The following CAMKMT variants were observed in gnomAD, a reference collection of about 807,000 sequenced individuals.
The protein encoded by CAMKMT is CaM KMT.
CAMKMT carries 53 observed loss-of-function variants against 48.0 expected under a neutral mutation model. That is an observed-to-expected ratio of 1.10 (90% CI 0.89 to 1.39). The LOEUF (loss-of-function observed/expected upper bound fraction) is 1.39, where lower values mean the gene tolerates loss of function less well. Among genes scored for constraint, CAMKMT ranks in the 40% most tolerant of loss-of-function variants. The pLI is 0.00. For synonymous variants in CAMKMT, 165 were observed against 152.3 expected, an observed-to-expected ratio of 1.08 and a Z score of -0.61; for missense variants, 428 against 402.7, an observed-to-expected ratio of 1.06 and a Z score of -0.54.
chr2:44,600,743 C>T (rs1670937846), intron 3 of CAMKMT, among the ~76,000 whole-genome samples: 1 of 152,030 alleles, frequency 6.6e-6, no homozygotes, highest in African/African-American at 2.4e-5. Context: ...TTTGTTATTC[C>T]TATAGTTTTT....
At chr2:44,587,997 G>C (rs1286104793) in intron 3 of CAMKMT, among the ~76,000 whole-genome samples, 6 of 137,460 alleles carry the variant, frequency 4.4e-5, no homozygotes, top group Non-Finnish European at 9.6e-5. Flanking sequence ...AGTGAGGAGC[G>C]TCTCTGCCCG....
At chr2:44,602,803 C>T (rs568489701) in intron 3 of CAMKMT, among the ~76,000 whole-genome samples, 2 of 152,044 alleles carry the variant, frequency 1.3e-5, no homozygotes, top group African/African-American at 2.4e-5. Flanking sequence ...ATCCAGTGAC[C>T]TCCCACCAGG....
At chr2:44,671,432 A>G (rs1301742864) in intron 3 of CAMKMT, among the ~76,000 whole-genome samples, 2 of 152,196 alleles carry the variant, frequency 1.3e-5, no homozygotes, top group Non-Finnish European at 1.5e-5. Flanking sequence ...CTTCCTTGTA[A>G]TTTATTTAGA....
At chr2:44,661,320 T>TTC in intron 3 of CAMKMT, among the ~76,000 whole-genome samples, 1 of 138,456 alleles carries the variant, frequency 7.2e-6, no homozygotes, top group South Asian at 2.3e-4. Flanking sequence ...CTTTTTTTTT[T>TTC]TTTTTTTTTT....
chr2:44,697,356 A>T (rs1225543025), intron 3 of CAMKMT, among the ~76,000 whole-genome samples: 1 of 152,094 alleles, frequency 6.6e-6, no homozygotes, highest in East Asian at 1.9e-4. Flanking sequence ...CTGGGATGAT[A>T]GTGAAGATTA....
chr2:44,709,771 T>C (rs976395253), intron 6 of CAMKMT, among the ~76,000 whole-genome samples: 3 of 152,134 alleles, frequency 2.0e-5, no homozygotes, highest in African/African-American at 7.2e-5. Flanking sequence ...TATATAGCAG[T>C]TGTAGGATAT....
At chr2:44,679,206 G>A (rs1342049889) in intron 3 of CAMKMT, among the ~76,000 whole-genome samples, 2 of 152,116 alleles carry the variant, frequency 1.3e-5, no homozygotes, top group Non-Finnish European at 2.9e-5. Flanking sequence ...GAGGAATATT[G>A]TGACCATTTA....
intron 3 of CAMKMT, among the ~76,000 whole-genome samples, chr2:44,590,466 G>T (rs989787271): frequency 6.6e-6 from 1 of 152,132 alleles, no homozygotes; most frequent in African/African-American, 2.4e-5. Context: ...GCGTGAGATG[G>T]TATCTCATTG....
At position 44,413,132 on chromosome 2, in the gene CAMKMT, G is replaced by C. The variant is rs560840479; in HGVS notation, c.376+22827G>C. ...TAAATAAATAAATAATAAACTAATGGTGTTATCTATTCTGTACAGTTCTCT... is the reference window on the plus strand; with the variant it reads ...TAAATAAATAAATAATAAACTAATGCTGTTATCTATTCTGTACAGTTCTCT... On this transcript the variant is annotated intron_variant, in intron 3 of 10. Coordinates refer to ENST00000378494, the MANE Select transcript of CAMKMT (RefSeq NM_024766.5). Among the ~76,000 whole-genome samples the C allele has an allele frequency of 3.4e-3, 510 of 151,856 alleles. 4 individuals are homozygous for C. Among genetic ancestry groups the C allele is most frequent in the African/African-American group, 0.012 (488 of 41,458 alleles).
At chr2:44,507,649 C>G (rs1308909480) in intron 3 of CAMKMT, among the ~76,000 whole-genome samples, 3 of 152,122 alleles carry the variant, frequency 2.0e-5, no homozygotes, top group Non-Finnish European at 2.9e-5. Context: ...TTTATAAGCA[C>G]TCTACATGTT....
chr2:44,607,325 A>C (rs1161765585), intron 3 of CAMKMT, among the ~76,000 whole-genome samples: 1 of 152,182 alleles, frequency 6.6e-6, no homozygotes, highest in Non-Finnish European at 1.5e-5. Flanking sequence ...TGGTAGAGAA[A>C]TCTCTGTTTT....
chr2:44,715,345 A>C lies in CAMKMT; in HGVS notation c.615A>C (p.Ile205=). The C allele has an allele frequency of 1.2e-6, 2 of 1,612,512 alleles. No individual in the cohort carries two copies. Among genetic ancestry groups the C allele is most frequent in the Non-Finnish European group, 1.7e-6 (2 of 1,178,874 alleles). Residue 205 remains isoleucine, a synonymous_variant, in exon 7 of 11, where the codon ATA becomes ATC. Coordinates refer to ENST00000378494, the MANE Select transcript of CAMKMT (RefSeq NM_024766.5). ...CTGGTGTGTTTAAGACCCAGAAAAT[A>C]TCAAGCTGGTAAGATACCTTTCTGC... ...QKAGVFKTQK[I]SSCVLRWDNE...
chr2:44,670,258 T>C (rs1481680966), intron 3 of CAMKMT, among the ~76,000 whole-genome samples: 1 of 152,164 alleles, frequency 6.6e-6, no homozygotes, highest in East Asian at 1.9e-4. Context: ...ACACAAACTA[T>C]TCCATGTGGT....
intron 3 of CAMKMT, among the ~76,000 whole-genome samples, chr2:44,436,267 A>T (rs1666245333): frequency 6.6e-6 from 1 of 151,998 alleles, no homozygotes; most frequent in Admixed American, 6.6e-5. Flanking sequence ...TAGTAGAGAC[A>T]GGGTTTCACC....
At chr2:44,596,235 G>T (rs922158012) in intron 3 of CAMKMT, among the ~76,000 whole-genome samples, 4 of 152,008 alleles carry the variant, frequency 2.6e-5, no homozygotes, top group Non-Finnish European at 5.9e-5. Flanking sequence ...GATCACTTCA[G>T]GTCAGGAGTT....
chr2:44,737,715 G>A (rs960613580), intron 7 of CAMKMT, among the ~76,000 whole-genome samples: 2 of 151,744 alleles, frequency 1.3e-5, no homozygotes, highest in Non-Finnish European at 2.9e-5. Flanking sequence ...TATTCTAGGG[G>A]GACCATCCAC....
chr2:44,563,033 T>C (rs1668407131), intron 3 of CAMKMT, among the ~76,000 whole-genome samples: 1 of 152,216 alleles, frequency 6.6e-6, no homozygotes, highest in Non-Finnish European at 1.5e-5. Context: ...TTATTTGATC[T>C]AACCAACTCC....
At chr2:44,393,412 G>A (rs1681536129) in intron 3 of CAMKMT, 1 of 152,148 alleles carries the variant, frequency 6.6e-6, no homozygotes. Flanking sequence ...AATGAATCAC[G>A]TCTGCGTATT....
At chr2:44,498,768 C>T (rs1351122169) in intron 3 of CAMKMT, among the ~76,000 whole-genome samples, 1 of 152,136 alleles carries the variant, frequency 6.6e-6, no homozygotes, top group African/African-American at 2.4e-5. Context: ...GAAAACAGTG[C>T]TTGTTTGGGA....
Sources: allele counts gnomAD v4.1 joint callset (sites outside exome capture counted in the v4.1 genomes callset), GRCh38; gene constraint gnomAD v4.1.1; transcripts MANE v1.5; gene names NCBI Gene and HGNC (gene_info 2026-07-23, HGNC 2026-07-21).